The following AK8 variants were observed in gnomAD, a reference collection of about 807,000 sequenced individuals.
AK8 encodes ATP-AMP transphosphorylase 8.
Under a neutral mutation model 54.6 loss-of-function variants are expected in AK8, and 44 were observed. The ratio of observed to expected loss-of-function variants is 0.81; its 90% CI spans 0.63 to 1.04. The LOEUF (loss-of-function observed/expected upper bound fraction) is 1.04, where lower values mean the gene tolerates loss of function less well. Among genes scored for constraint, AK8 ranks in the 50% least tolerant of loss-of-function variants. AK8 has a pLI of 0.00. For missense variants in AK8, 555 were observed against 613.6 expected, an observed-to-expected ratio of 0.90 and a Z score of 1.01; for synonymous variants, 239 against 245.6, an observed-to-expected ratio of 0.97 and a Z score of 0.25.
chr9:132,748,381 A>C (rs1257443512), intron 11 of AK8, among the ~76,000 whole-genome samples: 1 of 150,822 alleles, frequency 6.6e-6, no homozygotes, highest in African/African-American at 2.5e-5. Flanking sequence ...AGGACACAGC[A>C]GATGCTGGCC....
chr9:132,759,195 C>CAAAA (rs11354456), intron 11 of AK8, among the ~76,000 whole-genome samples: 1 of 82,764 alleles, frequency 1.2e-5, no homozygotes, highest in Non-Finnish European at 2.5e-5. Context: ...GACCTGGTCT[C>CAAAA]AAAAAAAAAA....
At chr9:132,809,777 G>A (rs1364574625) in intron 10 of AK8, among the ~76,000 whole-genome samples, 4 of 152,210 alleles carry the variant, frequency 2.6e-5, no homozygotes, top group African/African-American at 7.2e-5. Context: ...CCAAACAGTG[G>A]GGTACACCTG....
rs527438812 is a variant in AK8 at position 132,826,249 on chromosome 9, G to A, written c.757+605C>T. 8.5e-5 allele frequency among the ~76,000 whole-genome samples: 13 copies of A among 152,280 alleles called. No individual in the cohort carries two copies. The East Asian group carries it at 2.5e-3, about 29-fold the overall frequency. On this transcript the variant is annotated intron_variant, in intron 8 of 12. Coordinates refer to ENST00000298545, the MANE Select transcript of AK8 (RefSeq NM_152572.3). The surrounding 1 kb of genome is among the most constrained non-coding windows in gnomAD (Gnocchi z 4.5). ...GAGAAGTGCCAGAGGCTGCACAGCT[G>A]GGCTGCGTCGGGGCTGAGATTTGAA...
chr9:132,850,897 TAA>T (rs34133877), intron 5 of AK8, among the ~76,000 whole-genome samples: 41 of 135,264 alleles, frequency 3.0e-4, no homozygotes, highest in Admixed American at 2.9e-4. Context: ...TAGGTGCATT[TAA>T]AAAAAAAAAA....
intron 9 of AK8, 28 bp downstream of exon 9, chr9:132,823,177 T>G: frequency 6.6e-7 from 1 of 1,515,556 alleles, no homozygotes; most frequent in Non-Finnish European, 8.8e-7. Flanking sequence ...CTCTCGAAGC[T>G]GGGCAGCCCA....
At chr9:132,768,331 C>T (rs1377861767) in intron 11 of AK8, among the ~76,000 whole-genome samples, 2 of 151,458 alleles carry the variant, frequency 1.3e-5, no homozygotes, top group African/African-American at 4.9e-5. Context: ...GCAATGGCGC[C>T]ATCTCAGCTC....
Position 132,837,070 on chromosome 9 carries a change from C to T in AK8, c.403-8344G>A, listed in dbSNP as rs1216356816. ...GCGTGGTGGTTCACGCCTATAATCC[C>T]AGCACTTTGGGAGGCCAAGGTAGGC... On this transcript the variant is annotated intron_variant, in intron 5 of 12. Transcript: ENST00000298545. This position sits in a 1 kb window ranked among gnomAD's most constrained non-coding sequence, Gnocchi z 4.3. Among the ~76,000 whole-genome samples, 1 of 152,140 alleles carries T rather than the reference C, an allele frequency of 6.6e-6. No homozygotes were observed. Among genetic ancestry groups the T allele is most frequent in the Non-Finnish European group, 1.5e-5 (1 of 68,028 alleles).
At chr9:132,745,051 C>T (rs1020626692) in intron 11 of AK8, among the ~76,000 whole-genome samples, 2 of 152,176 alleles carry the variant, frequency 1.3e-5, no homozygotes, top group Non-Finnish European at 2.9e-5. Flanking sequence ...AAAACCTAAA[C>T]GGCCCCCACC....
intron 5 of AK8, among the ~76,000 whole-genome samples, chr9:132,845,743 T>G (rs971580288): frequency 1.3e-4 from 19 of 145,266 alleles, no homozygotes; most frequent in Admixed American, 3.6e-4. Flanking sequence ...ATCGCGCCAC[T>G]GCACTCCAGC....
At chr9:132,737,672 C>A (rs2130961722) in intron 11 of AK8, among the ~76,000 whole-genome samples, 1 of 152,248 alleles carries the variant, frequency 6.6e-6, no homozygotes, top group South Asian at 2.1e-4. Flanking sequence ...AATTTTACAC[C>A]AATTCCTAAC....
intron 3 of AK8, among the ~76,000 whole-genome samples, chr9:132,865,824 T>TAAAAATA (rs756864150): frequency 1.3e-5 from 2 of 149,218 alleles, no homozygotes; most frequent in African/African-American, 4.9e-5. Context: ...AAAATAAAAA[T>TAAAAATA]AAAAATAAAA....
In AK8 at chr9:132,725,667, G is replaced by T. The variant is rs770804748; in HGVS notation, c.*21C>A. On this transcript the variant is annotated 3_prime_UTR_variant, in exon 13 of 13. Transcript: ENST00000298545. The stretch of plus-strand genomic sequence containing the variant: ...GGGGATTAACTCTTTCCCTGGGGCA[G>T]CGCTCCTGGCTCTGAACCCATCAGG... 1 of 1,548,936 alleles carries T rather than the reference G, an allele frequency of 6.5e-7. No individual in the cohort carries two copies. Among genetic ancestry groups the T allele is most frequent in the South Asian group, 1.2e-5 (1 of 84,960 alleles).
intron 3 of AK8, among the ~76,000 whole-genome samples, chr9:132,865,084 T>C (rs1843532758): frequency 1.3e-5 from 2 of 152,190 alleles, no homozygotes; most frequent in South Asian, 2.1e-4. Flanking sequence ...GCATTTTTCA[T>C]AGCACCCTGG....
intron 11 of AK8, among the ~76,000 whole-genome samples, chr9:132,748,763 A>G (rs1198708166): frequency 6.6e-6 from 1 of 151,930 alleles, no homozygotes; most frequent in Non-Finnish European, 1.5e-5. Flanking sequence ...TGCAATCGGC[A>G]AAGGGATGAG....
chr9:132,852,883 T>C (rs893397122), intron 5 of AK8, among the ~76,000 whole-genome samples: 3 of 150,864 alleles, frequency 2.0e-5, no homozygotes, highest in South Asian at 2.1e-4. Context: ...CTTTGTGTTA[T>C]TGGAGTTGCA....
intron 3 of AK8, 38 bp from the exon 4 acceptor site, chr9:132,863,816 A>G: frequency 1.4e-6 from 2 of 1,462,380 alleles, no homozygotes; most frequent in Non-Finnish European, 1.9e-6. Flanking sequence ...TTTTCATAAA[A>G]ACAATAAATA....
chr9:132,862,331 T>C (rs573491345), intron 4 of AK8, among the ~76,000 whole-genome samples: 24 of 145,588 alleles, frequency 1.6e-4, no homozygotes, highest in Middle Eastern at 3.5e-3. Flanking sequence ...TTCTCTCTCT[T>C]TTTTTTTTTT....
intron 7 of AK8, 120 bp downstream of exon 7, chr9:132,827,893 T>G: frequency 3.1e-6 from 3 of 979,884 alleles, no homozygotes; most frequent in Non-Finnish European, 4.5e-6. Flanking sequence ...GTGGCAGCCT[T>G]CCTCGTGTCC....
At chr9:132,839,571 T>C (rs1056654386) in intron 5 of AK8, among the ~76,000 whole-genome samples, 1 of 152,138 alleles carries the variant, frequency 6.6e-6, no homozygotes, top group Non-Finnish European at 1.5e-5. Flanking sequence ...ACAGCATCCC[T>C]CCGCAGGCTC....
Sources: gnomAD v4.1 joint callset for allele counts (sites outside exome capture counted in the v4.1 genomes callset) on GRCh38, gnomAD v4.1.1 for gene constraint, Gnocchi (gnomAD v3.1) non-coding constraint, MANE v1.5 for transcripts, NCBI Gene and HGNC (gene_info 2026-07-23, HGNC 2026-07-21) for gene names.